The following ATP7B variants were observed in gnomAD, a reference collection of about 807,000 sequenced individuals.
ATP7B encodes the protein ATPase copper transporting beta, also known as copper-transporting ATPase 2.
Under a neutral mutation model 118.9 loss-of-function variants are expected in ATP7B, and 113 were observed. The observed-to-expected ratio is 0.95, with a 90% confidence interval of 0.82 to 1.11. The LOEUF (loss-of-function observed/expected upper bound fraction) is 1.11, where lower values mean the gene tolerates loss of function less well. Ranked by LOEUF, ATP7B falls within the 50% of genes most tolerant of loss-of-function variation. The pLI is 0.00. For synonymous variants in ATP7B, 777 were observed against 727.4 expected (o/e 1.07, Z -1.10); for missense variants, 1,867 against 1,871.4 (o/e 1.00, Z 0.04).
chr13:51,963,902 A>C (rs1593748091), intron 5 of ATP7B, among the ~76,000 whole-genome samples: 2 of 151,820 alleles, frequency 1.3e-5, no homozygotes, highest in East Asian at 3.9e-4. Flanking sequence ...AAATACAAAA[A>C]TTAGCCAGGC....
At chr13:51,979,959 C>A (rs1247960212) in intron 1 of ATP7B, among the ~76,000 whole-genome samples, 1 of 152,164 alleles carries the variant, frequency 6.6e-6, no homozygotes, top group Non-Finnish European at 1.5e-5. Flanking sequence ...CATATCTCTA[C>A]AAAACACTAA....
chr13:51,937,234 T>C, intron 19 of ATP7B, 42 bp downstream of exon 19: 2 of 1,587,844 alleles, frequency 1.3e-6, no homozygotes, highest in Non-Finnish European at 1.7e-6. Context: ...GACAGAAGCC[T>C]TTCTGGGCGC....
chr13:51,998,950 A>G (rs1206684824), intron 1 of ATP7B, among the ~76,000 whole-genome samples: 1 of 152,154 alleles, frequency 6.6e-6, no homozygotes, highest in Non-Finnish European at 1.5e-5. Context: ...AGATGGGGAG[A>G]GGAGTCCCGG....
chr13:52,008,047 TAA>T (rs35022438), intron 1 of ATP7B, among the ~76,000 whole-genome samples: 1 of 144,108 alleles, frequency 6.9e-6, no homozygotes, highest in Admixed American at 6.9e-5. Context: ...CTGCATTGGT[TAA>T]AAAAAAAAAG....
intron 3 of ATP7B, among the ~76,000 whole-genome samples, chr13:51,970,093 G>A (rs1566578411): frequency 6.6e-6 from 1 of 152,158 alleles, no homozygotes. Flanking sequence ...CTGGTTTACA[G>A]GAACAACAAG....
intron 6 of ATP7B, among the ~76,000 whole-genome samples, chr13:51,960,868 A>G (rs1695781230): frequency 6.6e-6 from 1 of 152,192 alleles, no homozygotes; most frequent in African/African-American, 2.4e-5. Flanking sequence ...CTGTGGTCTC[A>G]TGTTAGCTGC....
intron 1 of ATP7B, among the ~76,000 whole-genome samples, chr13:52,010,227 C>G (rs1437811750): frequency 1.3e-5 from 2 of 152,206 alleles, no homozygotes; most frequent in Non-Finnish European, 2.9e-5. Flanking sequence ...CTCTCTCTGT[C>G]TGTCCACTAA....
intron 1 of ATP7B, among the ~76,000 whole-genome samples, chr13:52,008,425 T>A (rs529644837): frequency 6.6e-6 from 1 of 152,240 alleles, no homozygotes; most frequent in South Asian, 2.1e-4. Flanking sequence ...ATTGGCACAA[T>A]CTCCAGAGGT....
rs1194199486 is a variant in ATP7B at position 51,974,851 on chromosome 13, G to GGCTTCGAA, written c.368_369insTTCGAAGC (p.Ile125LysfsTer31). The GGCTTCGAA allele has an allele frequency of 2.5e-6, 4 of 1,614,226 alleles. No individual in the cohort carries two copies. The South Asian group carries it at 4.4e-5, about 18-fold the overall frequency. The stretch of plus-strand genomic sequence containing the variant: ...AGGCTGCCTTTCCTTCTGCAATGCT[G>GGCTTCGAA]GCCTCGAAGCCCATGTCCCCAATTT... On this transcript the variant is annotated frameshift_variant, in exon 2 of 21. Transcript: ENST00000242839. LOFTEE classifies it high-confidence loss of function.
chr13:51,949,691 C>T lies in ATP7B; in HGVS notation c.2836G>A (p.Asp946Asn), dbSNP rs370961504. The T allele has an allele frequency of 1.3e-5, 21 of 1,613,902 alleles. No homozygotes were observed. The highest frequency in any genetic ancestry group is 1.1e-4 in the South Asian group (10 of 91,076). ...AAGTATCTCTGAACAACACCAAAAT[C>T]GATAAAACCGATTACAATCCATACC... is the stretch of plus-strand genomic sequence containing the variant. ...LVVWIVIGFI[D>N]FGVVQRYFPN... is the part of the protein sequence containing the mutation. The change falls in exon 12 of 21, where the codon GAT becomes AAT. Residue 946 changes from aspartate (D) to asparagine (N), a missense_variant. Coordinates refer to ENST00000242839, the MANE Select transcript of ATP7B (RefSeq NM_000053.4).
intron 1 of ATP7B, among the ~76,000 whole-genome samples, chr13:52,000,479 T>C (rs1438860527): frequency 6.6e-6 from 1 of 152,318 alleles, no homozygotes; most frequent in East Asian, 1.9e-4. Context: ...CATATGAATT[T>C]GGCAGGGACA....
chr13:51,970,858 G>T, intron 2 of ATP7B, 109 bp from the exon 3 acceptor site: 1 of 1,056,228 alleles, frequency 9.5e-7, no homozygotes, highest in Non-Finnish European at 1.4e-6. Flanking sequence ...GGCTCCCACC[G>T]AGCAGCCTCA....
At chr13:51,970,791 A>G (rs1668708240) in intron 2 of ATP7B, 42 bp from the exon 3 acceptor site, 1 of 1,603,520 alleles carries the variant, frequency 6.2e-7, no homozygotes. Flanking sequence ...AGAAGAGCAA[A>G]TAATATGTTT....
At chr13:51,942,139 AGAG>A (rs1957369935) in intron 15 of ATP7B, among the ~76,000 whole-genome samples, 1 of 152,260 alleles carries the variant, frequency 6.6e-6, no homozygotes, top group Admixed American at 6.5e-5. Context: ...GGGATAAGAA[AGAG>A]GAGAATCAAA....
chr13:51,950,536 A>G (rs964277189), intron 9 of ATP7B, 137 bp from the exon 10 acceptor site: 2 of 1,343,004 alleles, frequency 1.5e-6, no homozygotes, highest in Non-Finnish European at 1.0e-6. Context: ...TCATTTACAG[A>G]TATTTATCGT....
At chr13:51,977,870 C>T (rs1034027488) in intron 1 of ATP7B, among the ~76,000 whole-genome samples, 3 of 152,102 alleles carry the variant, frequency 2.0e-5, no homozygotes, top group African/African-American at 7.2e-5. Context: ...ATGTGCAGTC[C>T]ATCATTGACT....
In ATP7B at chr13:51,973,954, A is replaced by AATG. The variant is rs1291639354; in HGVS notation, c.1265_1266insCAT (p.Phe422_Glu423insIle). ...ACGTACCAGAAACGACTGAAGCCTCAAATCCCATGTCTTCTATAGCAGCTC... is the reference window on the plus strand; with the variant it reads ...ACGTACCAGAAACGACTGAAGCCTCAATGAATCCCATGTCTTCTATAGCAGCTC... On this transcript the variant is annotated inframe_insertion, in exon 2 of 21. Coordinates refer to ENST00000242839, the MANE Select transcript of ATP7B (RefSeq NM_000053.4). The AATG allele has an allele frequency of 6.2e-7, 1 of 1,614,228 alleles. No homozygotes were observed. The highest frequency in any genetic ancestry group is 8.5e-7 in the Non-Finnish European group (1 of 1,180,048).
rs1957509532 is a variant in ATP7B at position 51,944,155 on chromosome 13, C to T, written c.3197G>A (p.Ser1066Asn). 1 of 1,614,058 alleles carries T rather than the reference C, an allele frequency of 6.2e-7. No homozygotes were observed. Among genetic ancestry groups the T allele is most frequent in the Non-Finnish European group, 8.5e-7 (1 of 1,180,038 alleles). The change falls in exon 14 of 21, where the codon AGC becomes AAC. Residue 1066 changes from serine (S) to asparagine (N), a missense_variant. Ser to Asn is a conservative substitution (Grantham distance 46). Transcript: ENST00000242839. Reference protein sequence around the residue: ...VLAVVGTAEASSEHPLGVAVT... With the variant: ...VLAVVGTAEANSEHPLGVAVT... ...TGCCACGCCCAAGGGGTGTTCACTG[C>T]TGGCCTCCGCAGTCCCCACCACAGC...
At chr13:51,963,872 C>T (rs1360625708) in intron 5 of ATP7B, among the ~76,000 whole-genome samples, 6 of 151,006 alleles carry the variant, frequency 4.0e-5, no homozygotes, top group Non-Finnish European at 5.9e-5. Flanking sequence ...GCCAACATGG[C>T]GAAACACCAT....
Sources: allele counts gnomAD v4.1 joint callset (sites outside exome capture counted in the v4.1 genomes callset), GRCh38; gene constraint gnomAD v4.1.1; transcripts MANE v1.5; gene names NCBI Gene and HGNC (gene_info 2026-07-23, HGNC 2026-07-21).